Variants in CACNB2 observed in about 807,000 individuals in gnomAD.
The protein encoded by CACNB2 is voltage-dependent L-type calcium channel subunit beta-2.
Under a neutral mutation model 73.3 loss-of-function variants are expected in CACNB2, and 42 were observed. The ratio of observed to expected loss-of-function variants is 0.57; its 90% confidence interval spans 0.45 to 0.74. CACNB2 has a LOEUF of 0.74. Among genes scored for constraint, CACNB2 ranks in the 30% least tolerant of loss-of-function variants. The pLI, the probability that CACNB2 is intolerant of heterozygous loss-of-function variation, is 0.00. For missense variants in CACNB2, 940 were observed against 853.0 expected (o/e 1.10, Z -1.27); for synonymous variants, 348 against 310.3 (o/e 1.12, Z -1.28).
chr10:18,309,815 C>T (rs549614064), intron 2 of CACNB2, among the ~76,000 whole-genome samples: 2 of 152,004 alleles, frequency 1.3e-5, no homozygotes, highest in Middle Eastern at 3.2e-3. Flanking sequence ...AATAGATGTC[C>T]GGATAAACAG....
chr10:18,289,180 C>T (rs1020558358), intron 2 of CACNB2, among the ~76,000 whole-genome samples: 1 of 151,758 alleles, frequency 6.6e-6, no homozygotes, highest in Non-Finnish European at 1.5e-5. Context: ...TTTTTAAAAT[C>T]AAATGCTGGT....
At chr10:18,401,524 T>C (rs149751568) in intron 2 of CACNB2, among the ~76,000 whole-genome samples, 35 of 152,346 alleles carry the variant, frequency 2.3e-4, no homozygotes, top group Middle Eastern at 6.8e-3. Flanking sequence ...CTTTCTTTCA[T>C]GTTTTTGTTA....
chr10:18,397,276 G>A (rs902566370), intron 2 of CACNB2, among the ~76,000 whole-genome samples: 6 of 141,318 alleles, frequency 4.2e-5, no homozygotes, highest in Non-Finnish European at 9.3e-5. Context: ...AGACCAGACC[G>A]GTCAACATGG....
intron 2 of CACNB2, among the ~76,000 whole-genome samples, chr10:18,195,023 T>G (rs566903341): frequency 3.3e-5 from 5 of 152,312 alleles, no homozygotes; most frequent in African/African-American, 1.2e-4. Flanking sequence ...TCTCAAATTT[T>G]TTTTCCTTAG....
In CACNB2 at chr10:18,539,512, A is replaced by G; in HGVS notation, c.1771A>G (p.Arg591Gly). ...HYASHRDHNHRDETHGSSDHR... is the reference protein window; with the variant it reads ...HYASHRDHNHGDETHGSSDHR... ...TGCCTCACACCGTGACCACAACCAC[A>G]GAGACGAGACCCACGGGAGCAGTGA... The change falls in exon 14 of 14, where the codon AGA (arginine) becomes GGA (glycine). Residue 591 changes from arginine (R) to glycine (G), a missense_variant. Coordinates refer to ENST00000324631, the MANE Select transcript of CACNB2 (RefSeq NM_201596.3). 6.2e-7 allele frequency: 1 copy of G among 1,614,004 alleles called. No homozygotes were observed. Among genetic ancestry groups the G allele is most frequent in the Non-Finnish European group, 8.5e-7 (1 of 1,179,982 alleles).
intron 12 of CACNB2, among the ~76,000 whole-genome samples, chr10:18,537,712 G>GGTTGCACTGAACC (rs1210477321): frequency 6.9e-6 from 1 of 144,022 alleles, no homozygotes; most frequent in Non-Finnish European, 1.6e-5. Flanking sequence ...GGGAGGCCAA[G>GGTTGCACTGAACC]GTTGCACTGA....
intron 2 of CACNB2, among the ~76,000 whole-genome samples, chr10:18,257,511 A>G (rs2037333262): frequency 6.6e-6 from 1 of 152,198 alleles, no homozygotes; most frequent in African/African-American, 2.4e-5. Context: ...CTTCGTATAC[A>G]CTATAGAAAC....
intron 2 of CACNB2, among the ~76,000 whole-genome samples, chr10:18,316,462 C>T (rs2040189217): frequency 6.6e-6 from 1 of 151,194 alleles, no homozygotes; most frequent in Non-Finnish European, 1.5e-5. Context: ...TTTTCTTCCC[C>T]CCTCTCTTTT....
intron 2 of CACNB2, among the ~76,000 whole-genome samples, chr10:18,374,652 A>G (rs2042720649): frequency 6.6e-6 from 1 of 152,200 alleles, no homozygotes; most frequent in African/African-American, 2.4e-5. Flanking sequence ...TGTCACCTAG[A>G]TAGGCTTTTT....
chr10:18,246,887 C>T (rs2036881493), intron 2 of CACNB2, among the ~76,000 whole-genome samples: 1 of 152,204 alleles, frequency 6.6e-6, no homozygotes, highest in Admixed American at 6.5e-5. Context: ...GCTGGAATTA[C>T]AGGCATGAGC....
In CACNB2 at chr10:18,482,376, G is replaced by A. The variant is rs148469268; in HGVS notation, c.334-15979G>A. ...ACTGCCACAGGTATACCTCAGGGAAGTTCAGATTACTACCCAAGGGCCAAC... is the reference window on the plus strand; with the variant it reads ...ACTGCCACAGGTATACCTCAGGGAAATTCAGATTACTACCCAAGGGCCAAC... On this transcript the variant is annotated intron_variant, in intron 3 of 13. Transcript: ENST00000324631. Among the ~76,000 whole-genome samples the A allele has an allele frequency of 8.7e-3, 1,318 of 152,306 alleles. 20 individuals carry two copies. The highest frequency in any genetic ancestry group is 0.03 in the African/African-American group (1,236 of 41,546).
intron 2 of CACNB2, among the ~76,000 whole-genome samples, chr10:18,183,360 G>A (rs2033986607): frequency 1.3e-5 from 2 of 151,724 alleles, no homozygotes; most frequent in South Asian, 4.2e-4. Flanking sequence ...AAAAACTCCT[G>A]CTGGTCATTT....
chr10:18,235,705 GC>G (rs1245047011), intron 2 of CACNB2, among the ~76,000 whole-genome samples: 3 of 152,118 alleles, frequency 2.0e-5, no homozygotes, highest in African/African-American at 4.8e-5. Context: ...TCTTGGCTCT[GC>G]CTCAGAGCTG....
chr10:18,162,431 T>C (rs1269725659), intron 2 of CACNB2, among the ~76,000 whole-genome samples: 1 of 152,216 alleles, frequency 6.6e-6, no homozygotes, highest in African/African-American at 2.4e-5. Flanking sequence ...ATTTGTTCAA[T>C]GACGCGTACT....
At chr10:18,146,641 C>T (rs142235275) in intron 1 of CACNB2, among the ~76,000 whole-genome samples, 2,497 of 152,044 alleles carry the variant, frequency 0.016, 68 homozygotes, top group African/African-American at 0.056. Context: ...CCACGCCTGG[C>T]GAATTTTTTT....
intron 3 of CACNB2, among the ~76,000 whole-genome samples, chr10:18,442,435 C>T (rs965236181): frequency 2.0e-5 from 3 of 151,974 alleles, no homozygotes; most frequent in Non-Finnish European, 4.4e-5. Flanking sequence ...TAGGCGTGAG[C>T]CACCACGCCT....
intron 2 of CACNB2, chr10:18,400,894 G>T (rs966445817): frequency 1.9e-6 from 3 of 1,540,774 alleles, no homozygotes; most frequent in African/African-American, 2.7e-5. Flanking sequence ...TGAAAGCCCC[G>T]GAGGCAGAAA....
chr10:18,400,745 C>G (rs2043952133), intron 2 of CACNB2: 3 of 1,288,234 alleles, frequency 2.3e-6, no homozygotes, highest in South Asian at 3.5e-5. Flanking sequence ...AAGTTTAGAA[C>G]GAGTTGATGC....
At chr10:18,400,683 T>G in intron 2 of CACNB2, 2 of 1,050,172 alleles carry the variant, frequency 1.9e-6, no homozygotes, top group Non-Finnish European at 2.3e-6. Flanking sequence ...AACTAATTTC[T>G]TTTAACAATT....
Sources: allele counts gnomAD v4.1 joint callset (sites outside exome capture counted in the v4.1 genomes callset), GRCh38; gene constraint gnomAD v4.1.1; transcripts MANE v1.5; gene names NCBI Gene and HGNC (gene_info 2026-07-23, HGNC 2026-07-21).